Variants in TRAF4 observed in about 807,000 individuals in gnomAD.
TRAF4 encodes TNF receptor-associated factor 4.
In TRAF4, 9 loss-of-function variants were observed where a neutral mutation model predicts 47.3. The ratio of observed to expected loss-of-function variants is 0.19; its 90% CI spans 0.11 to 0.33. The LOEUF is 0.33. TRAF4 is among the 10% of genes least tolerant of loss of function. The probability of loss-of-function intolerance (pLI) is 1.00; values close to 1 mark genes in which losing one functional copy is unlikely to be tolerated. For missense variants in TRAF4, 448 were observed against 620.3 expected, an observed-to-expected ratio of 0.72 and a Z score of 2.95; for synonymous variants, 236 against 236.9, an observed-to-expected ratio of 1.00 and a Z score of 0.04.
Position 28,749,875 on chromosome 17 carries a change from G to C in TRAF4, c.*298G>C, listed in dbSNP as rs1395781170. 6 of 702,938 alleles carry C rather than the reference G, an allele frequency of 8.5e-6. No homozygotes were observed. The Admixed American group carries it at 1.2e-4, about 14-fold the overall frequency. The allele number at this position is 702,938 out of a possible 1,614,324, so 43.5% of individuals were successfully genotyped here. Reference sequence around the variant, plus strand: ...GCCGGTCACACTCTACACGGACTGAGGTGCCTGCTCAGGTGCTATGTCCCA... The same window carrying C: ...GCCGGTCACACTCTACACGGACTGACGTGCCTGCTCAGGTGCTATGTCCCA... On this transcript the variant is annotated 3_prime_UTR_variant, in exon 7 of 7. Coordinates refer to ENST00000262395, the MANE Select transcript of TRAF4 (RefSeq NM_004295.4).
Position 28,749,658 on chromosome 17 carries a change from C to A in TRAF4, c.*81C>A. On this transcript the variant is annotated 3_prime_UTR_variant, in exon 7 of 7. Coordinates refer to ENST00000262395, the MANE Select transcript of TRAF4 (RefSeq NM_004295.4). ...GGCTGAACTTGGAGAGGGGGCCGGA[C>A]CCCCGTCAGCTGCTTCTGCTGCCTA... 1 of 1,574,886 alleles carries A rather than the reference C, an allele frequency of 6.3e-7. No homozygotes were observed. The highest frequency in any genetic ancestry group is 8.6e-7 in the Non-Finnish European group (1 of 1,160,150).
In TRAF4 at chr17:28,748,050, C is replaced by T; in HGVS notation, c.334C>T (p.Pro112Ser). The T allele has an allele frequency of 6.2e-7, 1 of 1,614,128 alleles. No individual in the cohort carries two copies. The highest frequency in any genetic ancestry group is 8.5e-7 in the Non-Finnish European group (1 of 1,180,040). The change falls in exon 4 of 7, where the codon CCC (proline) becomes TCC (serine). Residue 112 changes from proline to serine, a missense_variant. By Grantham distance (74) the Pro-to-Ser change is moderately conservative. Coordinates refer to ENST00000262395, the MANE Select transcript of TRAF4 (RefSeq NM_004295.4). ...HLNTCSFNVI[P>S]CPNRCPMKLS... ...GAATACCTGCAGCTTCAATGTCATTCCCTGCCCTAATCGCTGCCCCATGAA... is the reference window on the plus strand; with the variant it reads ...GAATACCTGCAGCTTCAATGTCATTTCCTGCCCTAATCGCTGCCCCATGAA...
rs1258958907 is a variant in TRAF4 at position 28,749,176 on chromosome 17, T to A, written c.1012T>A (p.Tyr338Asn). 6.2e-7 allele frequency: 1 copy of A among 1,614,118 alleles called. No individual in the cohort carries two copies. Among genetic ancestry groups the A allele is most frequent in the Non-Finnish European group, 8.5e-7 (1 of 1,180,046 alleles). The part of the protein sequence containing the change: ...PNLECFSPAF[Y>N]THKYGYKLQV... ...CCTTGAGTGCTTCAGCCCAGCCTTC[T>A]ACACACATAAGTATGGTTACAAGCT... The change falls in exon 7 of 7, where the codon TAC becomes AAC. Residue 338 changes from tyrosine to asparagine, a missense_variant. Coordinates refer to ENST00000262395, the MANE Select transcript of TRAF4 (RefSeq NM_004295.4).
rs375013541 is a variant in TRAF4 at position 28,748,330 on chromosome 17, G to A, written c.531G>A (p.Arg177=). The change falls in exon 5 of 7, where the codon CGG becomes CGA. Residue 177 remains arginine (R), a synonymous_variant. Coordinates refer to ENST00000262395, the MANE Select transcript of TRAF4 (RefSeq NM_004295.4). ...ATAAGTGTGGTGCCCGCATGATGCGGCGGCTGCTGGCCCAGCATGCCACCT... is the reference window on the plus strand; with the variant it reads ...ATAAGTGTGGTGCCCGCATGATGCGACGGCTGCTGGCCCAGCATGCCACCT... ...CENKCGARMM[R]RLLAQHATSE... is the part of the protein sequence containing the mutation. 515 of 1,613,426 alleles carry A rather than the reference G, an allele frequency of 3.2e-4. 9 individuals carry two copies. In the South Asian group the frequency reaches 5.4e-3, roughly 17 times the overall value.
intron 1 of TRAF4, 21 bp from the exon 2 acceptor site, chr17:28,747,192 C>T: frequency 6.2e-7 from 1 of 1,611,692 alleles, no homozygotes; most frequent in Non-Finnish European, 8.5e-7. Context: ...AAACCTTTTT[C>T]CTGCCCCTCC....
At chr17:28,747,337 G>A (rs1452963022) in intron 2 of TRAF4, 73 bp downstream of exon 2, 3 of 1,560,190 alleles carry the variant, frequency 1.9e-6, no homozygotes, top group Non-Finnish European at 2.6e-6. Context: ...CTGGCAGCCA[G>A]TGGGCTCAGG....
At chr17:28,744,414 C>T (rs1270779898) in intron 1 of TRAF4, among the ~76,000 whole-genome samples, 159 bp downstream of exon 1, 1 of 145,410 alleles carries the variant, frequency 6.9e-6, no homozygotes, top group East Asian at 2.1e-4. Context: ...GACGTCAAGC[C>T]CCGAGGGAGG....
chr17:28,747,776 C>A (rs141723677), intron 2 of TRAF4, 67 bp from the exon 3 acceptor site: 1 of 1,505,046 alleles, frequency 6.6e-7, no homozygotes, highest in Admixed American at 1.9e-5. Context: ...CCAGTTGGGT[C>A]TAGGGGTGGG....
Position 28,748,491 on chromosome 17 carries a change from C to T in TRAF4, c.625-20C>T, listed in dbSNP as rs372515886. On this transcript the variant is annotated intron_variant, in intron 5 of 6. Coordinates refer to ENST00000262395, the MANE Select transcript of TRAF4 (RefSeq NM_004295.4). ...GTAGTCAGGATATTGACTCCTGCCT[C>T]TCTACTTCTGTGGCCCCAGAGCCAC... is the stretch of plus-strand genomic sequence containing the variant. 1.0e-3 allele frequency: 1,631 copies of T among 1,611,472 alleles called. 26 individuals carry two copies. The South Asian group carries it at 0.017, about 17-fold the overall frequency.
At position 28,749,051 on chromosome 17, in the gene TRAF4, G is replaced by A. The variant is rs758772076; in HGVS notation, c.887G>A (p.Arg296Gln). Reference protein sequence around the residue: ...SRQRQELQELRRELEELSVGS... With the variant: ...SRQRQELQELQRELEELSVGS... ...CAACGGCAGGAGCTGCAGGAGCTTC[G>A]GCGAGAGCTGGAGGAGCTATCAGTG... Residue 296 changes from arginine to glutamine, a missense_variant, in exon 7 of 7, where the codon CGG becomes CAG. Coordinates refer to ENST00000262395, the MANE Select transcript of TRAF4 (RefSeq NM_004295.4). The A allele has an allele frequency of 5.0e-6, 8 of 1,613,736 alleles. No individual in the cohort carries two copies. Among genetic ancestry groups the A allele is most frequent in the East Asian group, 4.5e-5 (2 of 44,894 alleles).
chr17:28,747,349 C>T (rs1455999183), intron 2 of TRAF4, 85 bp downstream of exon 2: 5 of 1,495,266 alleles, frequency 3.3e-6, no homozygotes, highest in Non-Finnish European at 4.5e-6. Context: ...GGGCTCAGGG[C>T]CAGTGTCAAC....
intron 1 of TRAF4, 23 bp downstream of exon 1, chr17:28,744,278 C>G: frequency 2.0e-6 from 1 of 512,614 alleles, no homozygotes; most frequent in Non-Finnish European, 3.3e-6. Context: ...GAGCAGGGGA[C>G]AGCGGGGGCG....
In TRAF4 at chr17:28,744,424, G is replaced by GC. The variant is rs3833162; in HGVS notation, c.143+177dup. Among the ~76,000 whole-genome samples the GC allele has an allele frequency of 2.9e-3, 432 of 151,192 alleles. 1 individual carries two copies. The highest frequency in any genetic ancestry group is 7.8e-3 in the African/African-American group (321 of 41,282). ...GGGATGACGTCAAGCCCCGAGGGAG[G>GC]CCCCCCCCGCAGGAATCCGAGGGGT... On this transcript the variant is annotated intron_variant, in intron 1 of 6. Transcript: ENST00000262395.
intron 1 of TRAF4, 32 bp downstream of exon 1, chr17:28,744,287 CGGGGCGGGGCGGGGGGCGCCGCCTGGGGA>C: frequency 1.1e-5 from 1 of 94,628 alleles, no homozygotes; most frequent in Non-Finnish European, 2.1e-5. Flanking sequence ...ACAGCGGGGG[CGGGGCGGGGCGGGGGGCGCCGCCTGGGGA>C]GGGTCTCGGG....
chr17:28,744,068 G>T lies in TRAF4; in HGVS notation c.-45G>T, dbSNP rs754535498. 2.3e-5 allele frequency: 30 copies of T among 1,330,960 alleles called. No homozygotes were observed. In the African/African-American group the frequency reaches 4.4e-4, roughly 19 times the overall value. The allele number at this position is 1,330,960 out of a possible 1,614,324, so 82.4% of individuals were successfully genotyped here. A position where few individuals can be genotyped will look rare whatever the true frequency, so the allele number is the denominator to read the frequency against. On this transcript the variant is annotated 5_prime_UTR_variant, in exon 1 of 7. Transcript: ENST00000262395. ...CCAGCGAGGCGCGGGCTGTGGGGCCGCCGCGTGCCTGGCCCCGCTCGCCCG... is the reference window on the plus strand; with the variant it reads ...CCAGCGAGGCGCGGGCTGTGGGGCCTCCGCGTGCCTGGCCCCGCTCGCCCG...
intron 2 of TRAF4, 125 bp from the exon 3 acceptor site, chr17:28,747,718 G>A (rs992742147): frequency 2.3e-6 from 2 of 872,692 alleles, no homozygotes; most frequent in South Asian, 1.6e-5. Flanking sequence ...ACTCAAGAGG[G>A]GCAAAGAGCC....
At chr17:28,746,542 G>A (rs1452835707) in intron 1 of TRAF4, among the ~76,000 whole-genome samples, 1 of 152,236 alleles carries the variant, frequency 6.6e-6, no homozygotes, top group Non-Finnish European at 1.5e-5. Flanking sequence ...GAGCCTGTCT[G>A]AGCTGTGGAG....
At chr17:28,744,344 C>T (rs901451903) in intron 1 of TRAF4, 89 bp downstream of exon 1, 8 of 1,430,554 alleles carry the variant, frequency 5.6e-6, no homozygotes, top group Admixed American at 4.6e-5. Context: ...CAAGGCGGGC[C>T]TTTGTCTGCG....
In TRAF4 at chr17:28,748,357, T is replaced by G. The variant is rs761599700; in HGVS notation, c.558T>G (p.Ser186=). Residue 186 remains serine, a synonymous_variant, in exon 5 of 7, where the codon TCT becomes TCG. Transcript: ENST00000262395. ...GGCTGCTGGCCCAGCATGCCACCTC[T>G]GAGTGCCCCAAGCGCACTCAGCCCT... ...MRRLLAQHAT[S]ECPKRTQPCT... 5.6e-6 allele frequency: 9 copies of G among 1,613,556 alleles called. No homozygotes were observed. Among genetic ancestry groups the G allele is most frequent in the Non-Finnish European group, 7.6e-6 (9 of 1,179,970 alleles).
Sources: gnomAD v4.1 joint callset for allele counts (sites outside exome capture counted in the v4.1 genomes callset) on GRCh38, gnomAD v4.1.1 for gene constraint, MANE v1.5 for transcripts, NCBI Gene and HGNC (gene_info 2026-07-23, HGNC 2026-07-21) for gene names.